Variants in PPP1R14D observed in about 807,000 individuals in gnomAD.
PPP1R14D encodes protein phosphatase 1 regulatory inhibitor subunit 14D, also known as protein phosphatase 1 regulatory subunit 14D.
A neutral mutation model predicts 17.1 loss-of-function variants in PPP1R14D; 14 were observed. The observed-to-expected ratio is 0.82, with a 90% confidence interval of 0.54 to 1.28. PPP1R14D has a LOEUF of 1.28. Among genes scored for constraint, PPP1R14D ranks in the 50% most tolerant of loss-of-function variants. The pLI is 0.00. For missense variants in PPP1R14D, 173 were observed against 179.2 expected, an observed-to-expected ratio of 0.97 and a Z score of 0.20; for synonymous variants, 67 against 66.1, an observed-to-expected ratio of 1.01 and a Z score of -0.06.
Position 40,816,219 on chromosome 15 carries a change from A to C in PPP1R14D, c.290T>G (p.Leu97Arg). The C allele has an allele frequency of 6.2e-7, 1 of 1,614,142 alleles. No homozygotes were observed. Among genetic ancestry groups the C allele is most frequent in the African/African-American group, 1.3e-5 (1 of 75,032 alleles). Residue 97 changes from leucine to arginine, a missense_variant, in exon 2 of 4, where the codon CTG becomes CGG. Leu to Arg is a moderately radical substitution (Grantham distance 102, BLOSUM62 -2). Transcript: ENST00000299174. ...QATPSEPEID[L>R]EALMDLSTEE... ...TGTGGATAGATCCATGAGAGCTTCC[A>C]GGTCAATCTCAGGCTCAGAAGGGGT... is the stretch of plus-strand genomic sequence containing the variant.
chr15:40,824,150 G>C (rs1022574153), intron 1 of PPP1R14D, among the ~76,000 whole-genome samples: 2 of 152,186 alleles, frequency 1.3e-5, no homozygotes, highest in Admixed American at 1.3e-4. Flanking sequence ...ACAAGTGTGA[G>C]ACTTGTGACT....
intron 1 of PPP1R14D, among the ~76,000 whole-genome samples, chr15:40,824,003 A>G (rs1420580337): frequency 6.6e-6 from 1 of 151,892 alleles, no homozygotes; most frequent in Non-Finnish European, 1.5e-5. Flanking sequence ...CATTAAAAAA[A>G]AAAAAAAAAA....
intron 1 of PPP1R14D, among the ~76,000 whole-genome samples, chr15:40,826,689 C>G (rs568659547): frequency 1.1e-3 from 170 of 152,310 alleles, no homozygotes; most frequent in Non-Finnish European, 1.8e-3. Flanking sequence ...ACCTGCTGGC[C>G]AGGCATGGTG....
chr15:40,815,784 ACCAGGC>A, intron 3 of PPP1R14D, 23 bp from the exon 4 acceptor site: 2 of 1,586,322 alleles, frequency 1.3e-6, no homozygotes, highest in Non-Finnish European at 1.7e-6. Context: ...CAGGAGTGAG[ACCAGGC>A]TTGGGGTCAC....
intron 1 of PPP1R14D, among the ~76,000 whole-genome samples, chr15:40,821,383 T>C (rs546736008): frequency 6.7e-6 from 1 of 149,502 alleles, no homozygotes; most frequent in East Asian, 2.0e-4. Context: ...AGAAGAAAAA[T>C]TGCATATTTT....
chr15:40,819,797 G>A (rs1398971770), intron 1 of PPP1R14D, among the ~76,000 whole-genome samples: 2 of 151,952 alleles, frequency 1.3e-5, no homozygotes, highest in Admixed American at 1.3e-4. Flanking sequence ...TGCTGGAGGG[G>A]TGCTGTTGGG....
intron 1 of PPP1R14D, among the ~76,000 whole-genome samples, chr15:40,823,809 TATCCCTGTGGTTAA>T (rs1360365591): frequency 2.4e-4 from 36 of 152,262 alleles, no homozygotes; most frequent in African/African-American, 7.9e-4. Context: ...TCACAGAATG[TATCCCTGTGGTTAA>T]GCAGGGCATG....
At chr15:40,817,922 T>A (rs566873271) in intron 1 of PPP1R14D, among the ~76,000 whole-genome samples, 1 of 151,742 alleles carries the variant, frequency 6.6e-6, no homozygotes, top group South Asian at 2.1e-4. Flanking sequence ...CTAAACACAC[T>A]CTTACCATGC....
chr15:40,823,951 G>C (rs1890827824), intron 1 of PPP1R14D, among the ~76,000 whole-genome samples: 1 of 149,322 alleles, frequency 6.7e-6, no homozygotes. Flanking sequence ...TTGAGCCCAG[G>C]AGTTAAAGAC....
At position 40,819,473 on chromosome 15, in the gene PPP1R14D, C is replaced by T. The variant is rs186128459; in HGVS notation, c.256-3220G>A. On this transcript the variant is annotated intron_variant, in intron 1 of 3. Coordinates refer to ENST00000299174, the MANE Select transcript of PPP1R14D (RefSeq NM_017726.8). Reference sequence around the variant, plus strand: ...CTGAGGCAGGAGAATGGCTTGAACTCGGGAAGTGAGCCAATATCACGCCAC... The same window carrying T: ...CTGAGGCAGGAGAATGGCTTGAACTTGGGAAGTGAGCCAATATCACGCCAC... 6.6e-5 allele frequency among the ~76,000 whole-genome samples: 10 copies of T among 150,456 alleles called. 2 individuals are homozygous for T. In the South Asian group the frequency reaches 1.9e-3, roughly 28 times the overall value.
chr15:40,828,444 G>A lies in PPP1R14D; in HGVS notation c.198C>T (p.Leu66=), dbSNP rs138373728. 1.9e-6 allele frequency: 3 copies of A among 1,614,032 alleles called. No homozygotes were observed. In the South Asian group the frequency reaches 3.3e-5, roughly 18 times the overall value. Residue 66 remains leucine, a synonymous_variant, in exon 1 of 4, where the codon CTC becomes CTT. Transcript: ENST00000299174. ...RLTVKYDRGQ[L]QRWLEMEQWV... ...ATTGCTCCATCTCCAGCCAGCGCTG[G>A]AGCTGGCCCCGGTCATACTTCACTG...
At chr15:40,823,170 G>C (rs1304419440) in intron 1 of PPP1R14D, among the ~76,000 whole-genome samples, 1 of 151,698 alleles carries the variant, frequency 6.6e-6, no homozygotes, top group Admixed American at 6.6e-5. Flanking sequence ...CACCATGTTG[G>C]CCAGGCTGGT....
chr15:40,828,338 G>A, intron 1 of PPP1R14D, 49 bp downstream of exon 1: 2 of 1,530,082 alleles, frequency 1.3e-6, no homozygotes, highest in Non-Finnish European at 1.8e-6. Flanking sequence ...CAGTGCCCTG[G>A]GTGGACCCCA....
chr15:40,827,947 AAAAGAAAG>A (rs138484384), intron 1 of PPP1R14D, among the ~76,000 whole-genome samples: 12 of 151,668 alleles, frequency 7.9e-5, no homozygotes, highest in Admixed American at 1.3e-4. Context: ...AACAAAAAAC[AAAAGAAAG>A]AAAGAAAGAA....
chr15:40,820,717 G>A (rs1445447483), intron 1 of PPP1R14D, among the ~76,000 whole-genome samples: 2 of 150,572 alleles, frequency 1.3e-5, no homozygotes, highest in African/African-American at 2.4e-5. Flanking sequence ...AAAATTTAGC[G>A]AGGTGTTCTG....
At chr15:40,822,685 T>C (rs1045964763) in intron 1 of PPP1R14D, among the ~76,000 whole-genome samples, 5 of 152,152 alleles carry the variant, frequency 3.3e-5, no homozygotes, top group Admixed American at 6.5e-5. Context: ...ACTCCCAACC[T>C]CAGGTGATCC....
chr15:40,828,157 A>C (rs1176627588), intron 1 of PPP1R14D, among the ~76,000 whole-genome samples: 1 of 152,222 alleles, frequency 6.6e-6, no homozygotes. Context: ...ATTATAGATT[A>C]GGGATGTTAA....
At chr15:40,825,537 G>A (rs763310923) in intron 1 of PPP1R14D, among the ~76,000 whole-genome samples, 28 of 152,152 alleles carry the variant, frequency 1.8e-4, no homozygotes, top group East Asian at 1.9e-4. Flanking sequence ...TCCAACAAAC[G>A]AAGGTTGGTC....
At chr15:40,822,428 C>T (rs1435416079) in intron 1 of PPP1R14D, among the ~76,000 whole-genome samples, 4 of 150,694 alleles carry the variant, frequency 2.7e-5, no homozygotes, top group African/African-American at 7.3e-5. Flanking sequence ...GCAGGAGGAT[C>T]GCTTGAGGTC....
Sources: allele counts gnomAD v4.1 joint callset (sites outside exome capture counted in the v4.1 genomes callset), GRCh38; gene constraint gnomAD v4.1.1; transcripts MANE v1.5; gene names NCBI Gene and HGNC (gene_info 2026-07-23, HGNC 2026-07-21).